BANP: variants seen among roughly 807,000 people sequenced by gnomAD.
The protein encoded by BANP is protein BANP.
BANP carries 11 observed loss-of-function variants against 68.1 expected under a neutral mutation model. That is an observed-to-expected ratio of 0.16 (90% confidence interval 0.10 to 0.27). BANP has a LOEUF of 0.27. Among genes scored for constraint, BANP ranks in the 10% least tolerant of loss-of-function variants. The pLI is 1.00. For synonymous variants in BANP, 329 were observed against 303.2 expected, an observed-to-expected ratio of 1.09 and a Z score of -0.88; for missense variants, 504 against 722.7, an observed-to-expected ratio of 0.70 and a Z score of 3.47.
chr16:87,968,246 G>GGATC (rs2060451475), intron 1 of BANP, among the ~76,000 whole-genome samples: 3 of 151,834 alleles, frequency 2.0e-5, no homozygotes, highest in Non-Finnish European at 4.4e-5. Context: ...CACTTTGGGA[G>GGATC]ACCGAGGTGG....
chr16:88,036,526 C>T lies in BANP; in HGVS notation c.1272+1132C>T, dbSNP rs1188785109. 6.6e-6 allele frequency among the ~76,000 whole-genome samples: 1 copy of T among 152,064 alleles called. No individual in the cohort carries two copies. Among genetic ancestry groups the T allele is most frequent in the Non-Finnish European group, 1.5e-5 (1 of 68,018 alleles). On this transcript the variant is annotated intron_variant, in intron 10 of 13. Transcript: ENST00000682872. This position sits in a 1 kb window ranked among gnomAD's most constrained non-coding sequence, Gnocchi z 4.2. ...CGTGGCACGTGGAGCACCAGGGACT[C>T]GGGCGTGTCTGCTGGCAGTGGCTTT...
At chr16:88,038,310 G>T (rs1176279981) in intron 11 of BANP, among the ~76,000 whole-genome samples, 4 of 152,182 alleles carry the variant, frequency 2.6e-5, no homozygotes, top group Admixed American at 2.6e-4. Flanking sequence ...GGGAGCGAGG[G>T]TGCAAAGGCC....
At chr16:87,980,603 A>T in intron 2 of BANP, 1 of 204,384 alleles carries the variant, frequency 4.9e-6, no homozygotes, top group South Asian at 7.5e-5. Context: ...TATTCAGTGT[A>T]TTTTTTCCCC....
intron 4 of BANP, among the ~76,000 whole-genome samples, chr16:87,998,004 C>G (rs564239859): frequency 6.6e-6 from 1 of 152,164 alleles, no homozygotes; most frequent in Admixed American, 6.5e-5. Context: ...GCATCCTGCT[C>G]GGTGGATTCT....
At chr16:88,054,187 A>T in intron 11 of BANP, among the ~76,000 whole-genome samples, 1 of 118,848 alleles carries the variant, frequency 8.4e-6, no homozygotes, top group South Asian at 2.6e-4. Flanking sequence ...CATCATCACC[A>T]ACACAACCAC....
At chr16:88,075,407 G>A (rs897620694) in intron 13 of BANP, among the ~76,000 whole-genome samples, 1 of 152,220 alleles carries the variant, frequency 6.6e-6, no homozygotes, top group African/African-American at 2.4e-5. Flanking sequence ...GGAGGCTGAG[G>A]TGGGAGGATC....
chr16:88,072,492 C>T (rs1191274563), intron 13 of BANP, among the ~76,000 whole-genome samples: 1 of 152,278 alleles, frequency 6.6e-6, no homozygotes, highest in Non-Finnish European at 1.5e-5. Context: ...TCTGCCCTGT[C>T]CTCCCTCCAC....
chr16:88,036,214 T>C lies in BANP; in HGVS notation c.1272+820T>C, dbSNP rs1567829300. 1.3e-5 allele frequency among the ~76,000 whole-genome samples: 2 copies of C among 152,296 alleles called. No individual in the cohort carries two copies. Among genetic ancestry groups the C allele is most frequent in the African/African-American group, 2.4e-5 (1 of 41,554 alleles). On this transcript the variant is annotated intron_variant, in intron 10 of 13. Coordinates refer to ENST00000682872, the MANE Select transcript of BANP (RefSeq NM_001386991.1). The surrounding 1 kb of genome is among the most constrained non-coding windows in gnomAD (Gnocchi z 4.2). ...CTGGGGGATGAGGAACATGGCTGTT[T>C]CTAGGTCGTGACAATGGCACCAGCT...
upstream of BANP, chr16:87,950,436 A>C (rs2056700550): frequency 8.0e-6 from 1 of 124,360 alleles, no homozygotes; most frequent in South Asian, 2.1e-4. Context: ...CATTCACGTC[A>C]TCACTTTTTT....
At position 88,003,121 on chromosome 16, in the gene BANP, G is replaced by A. The variant is rs1298397109; in HGVS notation, c.363-1174G>A. Among the ~76,000 whole-genome samples, 1 of 152,052 alleles carries A rather than the reference G, an allele frequency of 6.6e-6. No individual in the cohort carries two copies. Among genetic ancestry groups the A allele is most frequent in the Admixed American group, 6.5e-5 (1 of 15,280 alleles). On this transcript the variant is annotated intron_variant, in intron 4 of 13. Transcript: ENST00000682872. The surrounding 1 kb of genome is among the most constrained non-coding windows in gnomAD (Gnocchi z 6.1). ...TGGTGACCAAGCCAAAAGCCACCTG[G>A]GTTACTTTCCATACCTGACCTATAG...
Position 87,981,144 on chromosome 16 carries a change from G to A in BANP, c.162+17G>A, listed in dbSNP as rs769198152. 2 of 1,575,982 alleles carry A rather than the reference G, an allele frequency of 1.3e-6. No individual in the cohort carries two copies. Among genetic ancestry groups the A allele is most frequent in the South Asian group, 2.2e-5 (2 of 90,296 alleles). Reference sequence around the variant, plus strand: ...TCTATAAAGGTAAAAATCTGACTCTGTTCTGTGGTGTGTAGTGCGTTGCAG... The same window carrying A: ...TCTATAAAGGTAAAAATCTGACTCTATTCTGTGGTGTGTAGTGCGTTGCAG... On this transcript the variant is annotated intron_variant, in intron 3 of 13. Transcript: ENST00000682872.
chr16:88,074,155 G>A (rs895107717), intron 13 of BANP, among the ~76,000 whole-genome samples: 8 of 152,226 alleles, frequency 5.3e-5, no homozygotes, highest in South Asian at 2.1e-4. Flanking sequence ...CTCTGCAGGC[G>A]TGACTGCACC....
At chr16:88,066,560 C>CT (rs1406177810) in intron 12 of BANP, among the ~76,000 whole-genome samples, 2 of 152,182 alleles carry the variant, frequency 1.3e-5, no homozygotes, top group African/African-American at 4.8e-5. Flanking sequence ...GCCTAAAATT[C>CT]TGTTTATTTT....
At chr16:88,066,096 C>T (rs760476962) in intron 12 of BANP, among the ~76,000 whole-genome samples, 22 of 152,214 alleles carry the variant, frequency 1.4e-4, no homozygotes, top group Non-Finnish European at 3.2e-4. Flanking sequence ...TGTGCCCATG[C>T]GAGGCGGCCT....
intron 13 of BANP, among the ~76,000 whole-genome samples, chr16:88,073,525 T>C (rs928415564): frequency 3.3e-5 from 5 of 151,392 alleles, no homozygotes; most frequent in Non-Finnish European, 5.9e-5. Flanking sequence ...GTGAGGGCCA[T>C]GGGCGCAGAA....
rs148378187 is a variant in BANP at position 88,020,959 on chromosome 16, T to C, written c.895+2292T>C. On this transcript the variant is annotated intron_variant, in intron 7 of 13. Coordinates refer to ENST00000682872, the MANE Select transcript of BANP (RefSeq NM_001386991.1). ...GCTGTGTCTGTATTCAGGGAGTCCA[T>C]GTAGGGCGGTGGAAGGCACTGTATG... Among the ~76,000 whole-genome samples, 604 of 152,226 alleles carry C rather than the reference T, an allele frequency of 4.0e-3. 4 individuals are homozygous for C. Among genetic ancestry groups the C allele is most frequent in the African/African-American group, 0.014 (563 of 41,542 alleles).
intron 2 of BANP, among the ~76,000 whole-genome samples, chr16:87,977,030 A>C (rs2062283866): frequency 6.6e-6 from 1 of 152,214 alleles, no homozygotes; most frequent in African/African-American, 2.4e-5. Context: ...GGTCCAAAGA[A>C]GGCTTAGAGA....
intron 1 of BANP, chr16:87,952,573 G>A (rs975618017): frequency 6.6e-6 from 1 of 152,198 alleles, no homozygotes; most frequent in Non-Finnish European, 1.5e-5. Flanking sequence ...AAATAACTTG[G>A]AGTAGTGAGT....
chr16:87,990,845 C>G (rs978952749), intron 4 of BANP, among the ~76,000 whole-genome samples: 1 of 152,182 alleles, frequency 6.6e-6, no homozygotes, highest in Non-Finnish European at 1.5e-5. Flanking sequence ...TCACTGCAAC[C>G]TCCGCCTCCC....
Sources: gnomAD v4.1 joint callset for allele counts (sites outside exome capture counted in the v4.1 genomes callset) on GRCh38, gnomAD v4.1.1 for gene constraint, Gnocchi (gnomAD v3.1) non-coding constraint, MANE v1.5 for transcripts, NCBI Gene and HGNC (gene_info 2026-07-23, HGNC 2026-07-21) for gene names.